The following MYO15A variants were observed in gnomAD, a reference collection of about 807,000 sequenced individuals.
MYO15A encodes the protein unconventional myosin-XV.
MYO15A carries 308 observed loss-of-function variants against 394.6 expected under a neutral mutation model. The ratio of observed to expected loss-of-function variants is 0.78; its 90% CI spans 0.71 to 0.86. The LOEUF (loss-of-function observed/expected upper bound fraction) is 0.86, where lower values mean the gene tolerates loss of function less well. Among genes scored for constraint, MYO15A ranks in the 40% least tolerant of loss-of-function variants. The pLI, the probability that MYO15A is intolerant of heterozygous loss-of-function variation, is 0.00. For missense variants in MYO15A, 4,606 were observed against 4,799.1 expected (o/e 0.96, Z 1.19); for synonymous variants, 1,957 against 2,003.8 (o/e 0.98, Z 0.62).
At chr17:18,156,372 G>T (rs1275333240) in intron 48 of MYO15A, 36 bp downstream of exon 48, 1 of 1,609,392 alleles carries the variant, frequency 6.2e-7, no homozygotes, top group Admixed American at 1.7e-5. Flanking sequence ...CTCCACCCAG[G>T]CTGAGGGCCA....
chr17:18,166,635 G>A, intron 61 of MYO15A, 114 bp downstream of exon 61: 1 of 1,410,326 alleles, frequency 7.1e-7, no homozygotes. Context: ...CCCTGTGGAT[G>A]TCTCTAGCCC....
At chr17:18,133,480 A>G in intron 12 of MYO15A, 94 bp downstream of exon 12, 3 of 1,485,248 alleles carry the variant, frequency 2.0e-6, no homozygotes. Context: ...AGATTACACT[A>G]TGCACATATC....
chr17:18,137,962 ATGCTGCCTTATTAGG>A, intron 16 of MYO15A, 138 bp from the exon 17 acceptor site: 2 of 1,121,970 alleles, frequency 1.8e-6, no homozygotes, highest in Non-Finnish European at 2.5e-6. Context: ...GAGTTGGCTC[ATGCTGCCTTATTAGG>A]GGGTGAGCTC....
intron 50 of MYO15A, 98 bp from the exon 51 acceptor site, chr17:18,157,624 A>T (rs2046698698): frequency 6.4e-7 from 1 of 1,568,680 alleles, no homozygotes; most frequent in Admixed American, 1.8e-5. Context: ...ATAGAGTTCC[A>T]GAGAAGGGTT....
At chr17:18,124,399 G>A in intron 2 of MYO15A, 84 bp from the exon 3 acceptor site, 1 of 1,412,826 alleles carries the variant, frequency 7.1e-7, no homozygotes. Flanking sequence ...AATGGTAGCA[G>A]GCCCCAGGTA....
In MYO15A at chr17:18,149,470, G is replaced by T; in HGVS notation, c.7118-16G>T. 3 of 1,614,176 alleles carry T rather than the reference G, an allele frequency of 1.9e-6. No individual in the cohort carries two copies. The highest frequency in any genetic ancestry group is 1.7e-6 in the Non-Finnish European group (2 of 1,180,030). On this transcript the variant is annotated splice_polypyrimidine_tract_variant and intron_variant, in intron 34 of 65. Transcript: ENST00000647165. Reference sequence around the variant, plus strand: ...CAAGAAAAAAGAACTTGACATTTTTGTGCCTTCCCCTCCAGAGTCAGACAG... The same window carrying T: ...CAAGAAAAAAGAACTTGACATTTTTTTGCCTTCCCCTCCAGAGTCAGACAG...
chr17:18,136,540 C>G (rs1163962112), intron 14 of MYO15A, 23 bp from the exon 15 acceptor site: 1 of 1,613,860 alleles, frequency 6.2e-7, no homozygotes, highest in Non-Finnish European at 8.5e-7. Context: ...GTCCTGCTCA[C>G]ACCAGCACCA....
Position 18,148,298 on chromosome 17 carries a change from C to A in MYO15A, c.6691+88C>A. 6.4e-7 allele frequency: 1 copy of A among 1,564,626 alleles called. No individual in the cohort carries two copies. Among genetic ancestry groups the A allele is most frequent in the South Asian group, 1.1e-5 (1 of 87,168 alleles). On this transcript the variant is annotated intron_variant, in intron 31 of 65. Coordinates refer to ENST00000647165, the MANE Select transcript of MYO15A (RefSeq NM_016239.4). This position sits in a 1 kb window ranked among gnomAD's most constrained non-coding sequence, Gnocchi z 4.8. The stretch of plus-strand genomic sequence containing the variant: ...GGGATGGCAGAAGCCACTGGATGTT[C>A]TGGAGCTGGGGAGGGGCCTTCTCAG...
Position 18,124,576 on chromosome 17 carries a change from AG to A in MYO15A, c.3692+14del. ...CATGACACAGCTGGAGTGAGTGGGCAGGGCCGGCGGGGTCAGCAAGGGGTCA... is the reference window on the plus strand; with the variant it reads ...CATGACACAGCTGGAGTGAGTGGGCAGGCCGGCGGGGTCAGCAAGGGGTCA... On this transcript the variant is annotated intron_variant, in intron 3 of 65. Transcript: ENST00000647165. 1.9e-6 allele frequency: 3 copies of A among 1,612,650 alleles called. No homozygotes were observed. Among genetic ancestry groups the A allele is most frequent in the Non-Finnish European group, 2.5e-6 (3 of 1,179,796 alleles).
rs767388920 is a variant in MYO15A, at chr17:18,118,927, C to T, written c.127C>T (p.Arg43Cys). The stretch of plus-strand genomic sequence containing the variant: ...GCGGCTGTTCATGGGCTTCCGCGAC[C>T]GTACACCCAAGATCTCCAAGAAGGG... ...TSRLFMGFRD[R>C]TPKISKKGQF... The change falls in exon 2 of 66, where the codon CGT becomes TGT. Residue 43 changes from arginine (R) to cysteine (C), a missense_variant. Arg to Cys is a radical substitution (Grantham distance 180). This residue lies in a region of MYO15A where 1,830 missense variants were observed against 1,689.7 expected (regional missense o/e 1.08). Transcript: ENST00000647165. 4.3e-6 allele frequency: 7 copies of T among 1,613,650 alleles called. No individual in the cohort carries two copies. Among genetic ancestry groups the T allele is most frequent in the South Asian group, 1.1e-5 (1 of 91,070 alleles).
intron 16 of MYO15A, 48 bp downstream of exon 16, chr17:18,137,727 G>T (rs2046304839): frequency 6.4e-7 from 1 of 1,571,086 alleles, no homozygotes; most frequent in African/African-American, 1.3e-5. Flanking sequence ...ACTGGCCAGT[G>T]GACCTCCTTG....
chr17:18,110,871 CT>C (rs1334525127), intron 1 of MYO15A, among the ~76,000 whole-genome samples: 1 of 152,242 alleles, frequency 6.6e-6, no homozygotes, highest in Non-Finnish European at 1.5e-5. Context: ...TGCTGTTCCA[CT>C]TGCCAGGAAT....
chr17:18,151,682 G>T (rs577953258), intron 40 of MYO15A, among the ~76,000 whole-genome samples, 155 bp downstream of exon 40: 10 of 152,280 alleles, frequency 6.6e-5, no homozygotes, highest in African/African-American at 2.4e-4. Flanking sequence ...CCCTGCTGTT[G>T]TCTAGGTTGT....
Position 18,119,667 on chromosome 17 carries a change from C to G in MYO15A, c.867C>G (p.Tyr289Ter). ...ACCCGCCCGAGGATCCCTACGACTA[C>G]TACCACCCCGACTATTACGGTGGCC... ...YGYPPEDPYD[Y>*]YHPDYYGGPF... is the part of the protein sequence containing the mutation. Residue 289 changes from tyrosine to a stop codon, truncating the protein, a stop_gained, in exon 2 of 66, where the codon TAC (tyrosine) becomes TAG (stop). Transcript: ENST00000647165. LOFTEE classifies it high-confidence loss of function. 1 of 1,606,126 alleles carries G rather than the reference C, an allele frequency of 6.2e-7. No homozygotes were observed.
In MYO15A at chr17:18,121,359, C is replaced by A. The variant is rs1467097947; in HGVS notation, c.2559C>A (p.Leu853=). The A allele has an allele frequency of 1.1e-5, 16 of 1,470,568 alleles. No homozygotes were observed. Among genetic ancestry groups the A allele is most frequent in the Non-Finnish European group, 1.4e-5 (16 of 1,117,582 alleles). The allele number at this position is 1,470,568 out of a possible 1,614,324, so 91.1% of individuals were successfully genotyped here. Residue 853 remains leucine, a synonymous_variant, in exon 2 of 66, where the codon CTC becomes CTA. Transcript: ENST00000647165. The surrounding 1 kb of genome is among the most constrained non-coding windows in gnomAD (Gnocchi z 5.3). ...SPRPPSPPLG[L]CHSPRRSSLN... The stretch of plus-strand genomic sequence containing the variant: ...GGCCGCCCTCGCCGCCCCTGGGGCT[C>A]TGCCACAGCCCGCGGCGCAGCTCCC...
chr17:18,155,919 T>G (rs2046667102), intron 47 of MYO15A: 1 of 507,030 alleles, frequency 2.0e-6, no homozygotes, highest in Non-Finnish European at 3.6e-6. Flanking sequence ...AAAGAGAGAT[T>G]TGGGTAGGTG....
chr17:18,139,610 G>A lies in MYO15A; in HGVS notation c.5210G>A (p.Arg1737Gln), dbSNP rs369518617. ...GACCTGTTCGTACGGAGCCGGACAC[G>A]GGTAAGCCTCGCCTCCCACCGCTCT... Reference protein sequence around the residue: ...VLDLFVRSRTRVVAHLFSSHA... With the variant: ...VLDLFVRSRTQVVAHLFSSHA... Residue 1737 changes from arginine to glutamine, a missense_variant and splice_region_variant, in exon 19 of 66, where the codon CGG becomes CAG. Physicochemically the swap from Arg to Gln is conservative, Grantham distance 43. Coordinates refer to ENST00000647165, the MANE Select transcript of MYO15A (RefSeq NM_016239.4). 165 of 1,613,694 alleles carry A rather than the reference G, an allele frequency of 1.0e-4. No individual in the cohort carries two copies. The highest frequency in any genetic ancestry group is 1.3e-4 in the Non-Finnish European group (157 of 1,179,948).
chr17:18,121,310 G>A lies in MYO15A; in HGVS notation c.2510G>A (p.Gly837Asp). 1 of 1,327,688 alleles carries A rather than the reference G, an allele frequency of 7.5e-7. No homozygotes were observed. Among genetic ancestry groups the A allele is most frequent in the South Asian group, 1.8e-5 (1 of 55,402 alleles). 82.2% of individuals were successfully genotyped at this position (1,327,688 alleles called of 1,614,324 possible). The change falls in exon 2 of 66, where the codon GGC (glycine) becomes GAC (aspartate). Residue 837 changes from glycine (G) to aspartate (D), a missense_variant. Physicochemically the swap from Gly to Asp is moderately conservative, Grantham distance 94 (BLOSUM62 -1). Transcript: ENST00000647165. The surrounding 1 kb of genome is among the most constrained non-coding windows in gnomAD (Gnocchi z 5.3). The part of the protein sequence containing the change: ...RRAAGRLGPP[G>D]SPLPGSPRPP... ...GCCGCTGGGCGCCTGGGCCCACCCG[G>A]CTCGCCGCTGCCGGGCTCACCCAGG...
chr17:18,138,733 G>C (rs1327533604), intron 17 of MYO15A, 78 bp from the exon 18 acceptor site: 2 of 1,571,696 alleles, frequency 1.3e-6, no homozygotes, highest in Non-Finnish European at 1.7e-6. Context: ...AGCAGTCGGG[G>C]ATAGTGAGGT....
Sources: allele counts gnomAD v4.1 joint callset (sites outside exome capture counted in the v4.1 genomes callset), GRCh38; gene constraint gnomAD v4.1.1; regional missense constraint gnomAD v4.1.1; non-coding constraint Gnocchi (gnomAD v3.1); transcripts MANE v1.5; gene names NCBI Gene and HGNC (gene_info 2026-07-23, HGNC 2026-07-21).